Variants in CACNB2 observed in about 807,000 individuals in gnomAD.
CACNB2 encodes the protein calcium voltage-gated channel auxiliary subunit beta 2.
In CACNB2, 42 loss-of-function variants were observed where a neutral mutation model predicts 73.3. The observed-to-expected ratio is 0.57, with a 90% CI of 0.45 to 0.74. The LOEUF is 0.74. Among genes scored for constraint, CACNB2 ranks in the 30% least tolerant of loss-of-function variants. The pLI is 0.00. For synonymous variants in CACNB2, 348 were observed against 310.3 expected (o/e 1.12, Z -1.28); for missense variants, 940 against 853.0 (o/e 1.10, Z -1.27).
chr10:18,168,265 C>G (rs1439938619), intron 2 of CACNB2, among the ~76,000 whole-genome samples: 1 of 152,086 alleles, frequency 6.6e-6, no homozygotes, highest in African/African-American at 2.4e-5. Context: ...GAGCAAGACC[C>G]TGTCTCTAAA....
intron 2 of CACNB2, among the ~76,000 whole-genome samples, chr10:18,205,844 A>G (rs540961359): frequency 6.6e-6 from 1 of 152,182 alleles, no homozygotes; most frequent in East Asian, 1.9e-4. Flanking sequence ...AGTTTCTACA[A>G]CCCATCAGAG....
At chr10:18,171,806 A>G (rs1248971863) in intron 2 of CACNB2, among the ~76,000 whole-genome samples, 1 of 152,054 alleles carries the variant, frequency 6.6e-6, no homozygotes, top group East Asian at 1.9e-4. Context: ...AATACAATAA[A>G]TAAAGATGTT....
chr10:18,284,147 TCA>T (rs1240994266), intron 2 of CACNB2, among the ~76,000 whole-genome samples: 3 of 152,180 alleles, frequency 2.0e-5, no homozygotes, highest in Non-Finnish European at 4.4e-5. Flanking sequence ...TGGGGAGGCC[TCA>T]CAATCATGGC....
chr10:18,317,246 A>G (rs2040225859), intron 2 of CACNB2, among the ~76,000 whole-genome samples: 1 of 151,282 alleles, frequency 6.6e-6, no homozygotes, highest in Non-Finnish European at 1.5e-5. Context: ...TTTTTTTTAA[A>G]TCTTTTTTAA....
chr10:18,196,142 T>G (rs1317378847), intron 2 of CACNB2, among the ~76,000 whole-genome samples: 3 of 152,152 alleles, frequency 2.0e-5, no homozygotes, highest in Non-Finnish European at 4.4e-5. Flanking sequence ...TATTCTTATT[T>G]TACAGATGTG....
At chr10:18,512,005 C>T (rs930014129) in intron 6 of CACNB2, among the ~76,000 whole-genome samples, 1 of 152,178 alleles carries the variant, frequency 6.6e-6, no homozygotes, top group Non-Finnish European at 1.5e-5. Context: ...TTATTTCCAT[C>T]TCTGACTCTG....
At chr10:18,411,841 A>G (rs1283722092) in intron 3 of CACNB2, among the ~76,000 whole-genome samples, 1 of 152,218 alleles carries the variant, frequency 6.6e-6, no homozygotes, top group Non-Finnish European at 1.5e-5. Context: ...TTGAGCAGTC[A>G]TGACCTTACA....
chr10:18,203,540 C>CA (rs5783586), intron 2 of CACNB2, among the ~76,000 whole-genome samples: 1 of 151,812 alleles, frequency 6.6e-6, no homozygotes. Context: ...TGAGTACCTT[C>CA]AAAAAAAGAT....
intron 3 of CACNB2, among the ~76,000 whole-genome samples, chr10:18,494,729 G>C (rs776022993): frequency 6.6e-6 from 1 of 150,574 alleles, no homozygotes; most frequent in Admixed American, 6.6e-5. Flanking sequence ...ATACTTTTGT[G>C]ATCAGAAACT....
At chr10:18,421,285 TTTTTTTTG>T (rs1329288555) in intron 3 of CACNB2, among the ~76,000 whole-genome samples, 1 of 150,674 alleles carries the variant, frequency 6.6e-6, no homozygotes, top group African/African-American at 2.5e-5. Context: ...ACCAGTGTGG[TTTTTTTTG>T]TTTTTTTGTT....
chr10:18,455,315 G>A (rs921816038), intron 3 of CACNB2, among the ~76,000 whole-genome samples: 1 of 152,348 alleles, frequency 6.6e-6, no homozygotes, highest in South Asian at 2.1e-4. Flanking sequence ...TGTTGCCTAA[G>A]ACTTTGATTT....
intron 3 of CACNB2, among the ~76,000 whole-genome samples, chr10:18,441,164 G>A (rs1480488338): frequency 6.6e-6 from 1 of 152,154 alleles, no homozygotes; most frequent in East Asian, 1.9e-4. Context: ...CAGCACTTTG[G>A]GAGGCCAAGG....
rs146709159 is a variant in CACNB2 at position 18,219,473 on chromosome 10, A to G, written c.213+68498A>G. ...TTAATTTTTAAATATAGTTCTAGAG[A>G]ATTCTTTTCCTAATCCTTTTACTGT... On this transcript the variant is annotated intron_variant, in intron 2 of 13. Coordinates refer to ENST00000324631, the MANE Select transcript of CACNB2 (RefSeq NM_201596.3). Among the ~76,000 whole-genome samples, 695 of 152,278 alleles carry G rather than the reference A, an allele frequency of 4.6e-3. 3 individuals are homozygous for G. The highest frequency in any genetic ancestry group is 0.016 in the African/African-American group (666 of 41,562).
At chr10:18,330,071 C>T (rs556655387) in intron 2 of CACNB2, among the ~76,000 whole-genome samples, 1 of 152,278 alleles carries the variant, frequency 6.6e-6, no homozygotes, top group East Asian at 1.9e-4. Context: ...GAACTCCTGA[C>T]CTCAAGTGAT....
At chr10:18,339,831 T>C (rs2041160821) in intron 2 of CACNB2, among the ~76,000 whole-genome samples, 2 of 152,236 alleles carry the variant, frequency 1.3e-5, no homozygotes, top group African/African-American at 4.8e-5. Flanking sequence ...TTTAAAAATG[T>C]AAAACACATT....
At chr10:18,235,141 TC>T (rs1384629809) in intron 2 of CACNB2, among the ~76,000 whole-genome samples, 22 of 104,442 alleles carry the variant, frequency 2.1e-4, no homozygotes, top group East Asian at 5.3e-4. Flanking sequence ...AGACTCTGTC[TC>T]AAAAAAAAAA....
intron 2 of CACNB2, among the ~76,000 whole-genome samples, chr10:18,229,952 G>A (rs2036161492): frequency 6.6e-6 from 1 of 152,132 alleles, no homozygotes; most frequent in African/African-American, 2.4e-5. Context: ...TTTCAAAACA[G>A]CAAGCATAGA....
At chr10:18,345,166 T>C (rs1252851341) in intron 2 of CACNB2, among the ~76,000 whole-genome samples, 3 of 152,224 alleles carry the variant, frequency 2.0e-5, no homozygotes, top group Non-Finnish European at 4.4e-5. Flanking sequence ...AAATAACTTA[T>C]TTGAGATAAA....
At chr10:18,392,006 T>C (rs10828623) in intron 2 of CACNB2, among the ~76,000 whole-genome samples, 117,567 of 150,614 alleles carry the variant, frequency 0.78, 46,548 homozygotes, top group East Asian at 0.98. Context: ...GAAATACCGC[T>C]GCAATCAATG....
Sources: allele counts gnomAD v4.1 joint callset (sites outside exome capture counted in the v4.1 genomes callset), GRCh38; gene constraint gnomAD v4.1.1; transcripts MANE v1.5; gene names NCBI Gene and HGNC (gene_info 2026-07-23, HGNC 2026-07-21).